RABGAP1L: variants seen among roughly 807,000 people sequenced by gnomAD.
The protein encoded by RABGAP1L is rab GTPase-activating protein 1-like.
In RABGAP1L, 63 loss-of-function variants were observed where a neutral mutation model predicts 137.7. The ratio of observed to expected loss-of-function variants is 0.46; its 90% CI spans 0.37 to 0.56. The LOEUF (loss-of-function observed/expected upper bound fraction) is 0.56, where lower values mean the gene tolerates loss of function less well. Among genes scored for constraint, RABGAP1L ranks in the 20% least tolerant of loss-of-function variants. RABGAP1L has a pLI of 0.00. For synonymous variants in RABGAP1L, 431 were observed against 433.7 expected, an observed-to-expected ratio of 0.99 and a Z score of 0.08; for missense variants, 1,095 against 1,244.0, an observed-to-expected ratio of 0.88 and a Z score of 1.80.
At chr1:174,944,838 C>T (rs1666478437) in intron 19 of RABGAP1L, among the ~76,000 whole-genome samples, 1 of 152,060 alleles carries the variant, frequency 6.6e-6, no homozygotes, top group Non-Finnish European at 1.5e-5. Context: ...GTCAGATTTA[C>T]TCAGGTTGTC....
intron 10 of RABGAP1L, among the ~76,000 whole-genome samples, chr1:174,287,535 A>G (rs930183485): frequency 1.3e-5 from 2 of 152,114 alleles, no homozygotes; most frequent in Non-Finnish European, 2.9e-5. Context: ...TGTTGCCCAG[A>G]TTGGAGTACA....
intron 14 of RABGAP1L, among the ~76,000 whole-genome samples, chr1:174,651,664 C>T (rs551875612): frequency 6.6e-6 from 1 of 151,974 alleles, no homozygotes; most frequent in Non-Finnish European, 1.5e-5. Flanking sequence ...CAACCCCTGC[C>T]TTTTTTTGTT....
intron 19 of RABGAP1L, among the ~76,000 whole-genome samples, chr1:174,923,892 A>G (rs906703823): frequency 2.6e-5 from 4 of 151,912 alleles, no homozygotes; most frequent in Admixed American, 6.6e-5. Context: ...AAAAAAAAAA[A>G]AAAGAAAAAA....
In RABGAP1L at chr1:174,669,027, C is replaced by T. The variant is rs371720087; in HGVS notation, c.1825-14495C>T. ...CCCCTCATCAGATGTTTTATTAGTT[C>T]GTTTTCACACTGCTATAAAGAACTG... On this transcript the variant is annotated intron_variant, in intron 14 of 25. Coordinates refer to ENST00000681986, the MANE Select transcript of RABGAP1L (RefSeq NM_001366446.1). Among the ~76,000 whole-genome samples the T allele has an allele frequency of 3.9e-4, 59 of 152,110 alleles. No individual in the cohort carries two copies. In the Middle Eastern group the frequency reaches 0.01, roughly 26 times the overall value.
intron 11 of RABGAP1L, among the ~76,000 whole-genome samples, chr1:174,342,780 C>T (rs1004594249): frequency 4.5e-4 from 68 of 151,138 alleles, no homozygotes; most frequent in African/African-American, 1.5e-3. Context: ...TGCTTGTTGC[C>T]CAGGCTGGAG....
chr1:174,416,665 C>A (rs2149148319), intron 13 of RABGAP1L, among the ~76,000 whole-genome samples: 1 of 152,046 alleles, frequency 6.6e-6, no homozygotes, highest in East Asian at 1.9e-4. Flanking sequence ...GTTTGTCATG[C>A]AAGATGAAAA....
chr1:174,885,946 G>A (rs554013837), intron 19 of RABGAP1L, among the ~76,000 whole-genome samples: 43 of 151,536 alleles, frequency 2.8e-4, no homozygotes, highest in Non-Finnish European at 5.0e-4. Context: ...CAGCCTGGGC[G>A]ACAGAGCAGG....
chr1:174,358,815 C>G lies in RABGAP1L; in HGVS notation c.1466-12164C>G, dbSNP rs73038658. 5.3e-3 allele frequency among the ~76,000 whole-genome samples: 805 copies of G among 152,240 alleles called. 10 individuals carry two copies. The highest frequency in any genetic ancestry group is 0.018 in the African/African-American group (764 of 41,546). ...CCTTTGTCCTCTCCCTTCACTCATT[C>G]AGGAAATTTTGAATACTCTTATGGC... On this transcript the variant is annotated intron_variant, in intron 11 of 25. Coordinates refer to ENST00000681986, the MANE Select transcript of RABGAP1L (RefSeq NM_001366446.1).
At chr1:174,468,901 T>A (rs2149302020) in intron 13 of RABGAP1L, among the ~76,000 whole-genome samples, 1 of 152,332 alleles carries the variant, frequency 6.6e-6, no homozygotes, top group African/African-American at 2.4e-5. Context: ...AGTGTTATAC[T>A]AAAAATGAGG....
intron 12 of RABGAP1L, among the ~76,000 whole-genome samples, chr1:174,376,559 T>C (rs543753217): frequency 1.8e-4 from 27 of 152,188 alleles, no homozygotes; most frequent in East Asian, 1.9e-4. Flanking sequence ...ATCAGTGTTA[T>C]TCACTTATAT....
intron 10 of RABGAP1L, among the ~76,000 whole-genome samples, chr1:174,283,950 A>G (rs1308246597): frequency 6.6e-6 from 1 of 152,184 alleles, no homozygotes; most frequent in Non-Finnish European, 1.5e-5. Flanking sequence ...ACTTTAATTT[A>G]TCTCTACCTA....
intron 18 of RABGAP1L, among the ~76,000 whole-genome samples, chr1:174,787,841 AATAGGGGTGT>A (rs1287941938): frequency 6.6e-6 from 1 of 152,158 alleles, no homozygotes; most frequent in Non-Finnish European, 1.5e-5. Context: ...AGGCTGCAAC[AATAGGGGTGT>A]AGAGGGGCAA....
chr1:174,589,641 C>T (rs1020690983), intron 13 of RABGAP1L, among the ~76,000 whole-genome samples: 9 of 152,000 alleles, frequency 5.9e-5, no homozygotes, highest in South Asian at 4.1e-4. Context: ...TTATATATGT[C>T]GAGAGAAAGG....
At chr1:174,571,110 A>G (rs1474150679) in intron 13 of RABGAP1L, among the ~76,000 whole-genome samples, 1 of 152,194 alleles carries the variant, frequency 6.6e-6, no homozygotes, top group Non-Finnish European at 1.5e-5. Context: ...AGATCCAGTC[A>G]TTTGCAACAA....
At chr1:174,445,995 G>A (rs1276520361) in intron 13 of RABGAP1L, among the ~76,000 whole-genome samples, 1 of 152,318 alleles carries the variant, frequency 6.6e-6, no homozygotes, top group Admixed American at 6.5e-5. Flanking sequence ...CCTAGTGACA[G>A]TTTCAGCTGC....
intron 13 of RABGAP1L, among the ~76,000 whole-genome samples, chr1:174,474,973 ATAT>A (rs1421777188): frequency 6.6e-6 from 1 of 152,104 alleles, no homozygotes. Flanking sequence ...AAGAAATGAC[ATAT>A]TATGTGTTTT....
intron 13 of RABGAP1L, among the ~76,000 whole-genome samples, chr1:174,595,532 C>T (rs1351361236): frequency 1.2e-4 from 14 of 116,490 alleles, no homozygotes; most frequent in African/African-American, 2.1e-4. Context: ...GATGGGTTTT[C>T]GGTGTAGATG....
intron 19 of RABGAP1L, among the ~76,000 whole-genome samples, chr1:174,849,087 C>T (rs1246708498): frequency 5.3e-5 from 8 of 152,202 alleles, no homozygotes; most frequent in African/African-American, 1.4e-4. Flanking sequence ...TGCTTCGGCT[C>T]GCGCACGGTG....
intron 17 of RABGAP1L, among the ~76,000 whole-genome samples, chr1:174,703,666 C>A (rs1344501981): frequency 5.3e-5 from 8 of 152,154 alleles, no homozygotes; most frequent in Admixed American, 5.2e-4. Context: ...AATTTCCATA[C>A]TGTTTTCCAT....
Sources: allele counts gnomAD v4.1 joint callset (sites outside exome capture counted in the v4.1 genomes callset), GRCh38; gene constraint gnomAD v4.1.1; transcripts MANE v1.5; gene names NCBI Gene and HGNC (gene_info 2026-07-23, HGNC 2026-07-21).